The following POU6F2 variants were observed in gnomAD, a reference collection of about 807,000 sequenced individuals.
POU6F2 encodes the protein POU class 6 homeobox 2.
POU6F2 carries 31 observed loss-of-function variants against 71.3 expected under a neutral mutation model. The observed-to-expected ratio is 0.43, with a 90% CI of 0.33 to 0.59. POU6F2 has a LOEUF of 0.59. Among genes scored for constraint, POU6F2 ranks in the 20% least tolerant of loss-of-function variants. The pLI, the probability that POU6F2 is intolerant of heterozygous loss-of-function variation, is 0.04. For missense variants in POU6F2, 783 were observed against 856.8 expected (o/e 0.91, Z 1.07); for synonymous variants, 347 against 355.7 (o/e 0.98, Z 0.27).
At chr7:39,259,960 CACACACACACAT>C (rs1001748168) in intron 4 of POU6F2, among the ~76,000 whole-genome samples, 2 of 147,462 alleles carry the variant, frequency 1.4e-5, no homozygotes, top group African/African-American at 5.4e-5. Flanking sequence ...GTACATGCAC[CACACACACACAT>C]ACACACACAC....
At chr7:39,064,325 A>G (rs565933159) in intron 1 of POU6F2, among the ~76,000 whole-genome samples, 1 of 152,128 alleles carries the variant, frequency 6.6e-6, no homozygotes, top group African/African-American at 2.4e-5. Flanking sequence ...GGGTGCTTCA[A>G]TGATATCATT....
At chr7:39,082,016 A>G (rs1376789918) in intron 1 of POU6F2, among the ~76,000 whole-genome samples, 1 of 152,226 alleles carries the variant, frequency 6.6e-6, no homozygotes, top group Non-Finnish European at 1.5e-5. Flanking sequence ...AATACCTTGC[A>G]TAGCTGGGGT....
At chr7:39,293,570 T>A (rs762946257) in intron 4 of POU6F2, among the ~76,000 whole-genome samples, 29 of 152,132 alleles carry the variant, frequency 1.9e-4, no homozygotes, top group Non-Finnish European at 2.8e-4. Context: ...TCAGACCACG[T>A]GATAGCCGAG....
intron 1 of POU6F2, among the ~76,000 whole-genome samples, chr7:39,020,116 A>T (rs544403130): frequency 6.6e-6 from 1 of 152,110 alleles, no homozygotes; most frequent in Non-Finnish European, 1.5e-5. Context: ...AGACCCCCCA[A>T]AAAAGCTAGC....
At chr7:39,342,849 G>C (rs1785947042) in intron 5 of POU6F2, among the ~76,000 whole-genome samples, 2 of 152,164 alleles carry the variant, frequency 1.3e-5, no homozygotes, top group Non-Finnish European at 2.9e-5. Flanking sequence ...ACTGAATTCT[G>C]TGAAAAGGAT....
At position 39,466,614 on chromosome 7, in the gene POU6F2, TG is replaced by T. The variant is rs1334009550; in HGVS notation, c.*1932del. ...CTTCCCCTAATACACTCCCTCTCCC[TG>T]GGGAGTTTGAGTTTCTTCTGTTGGC... On this transcript the variant is annotated 3_prime_UTR_variant, in exon 10 of 10. Transcript: ENST00000518318. 6.6e-6 allele frequency: 1 copy of T among 152,248 alleles called. No individual in the cohort carries two copies. Among genetic ancestry groups the T allele is most frequent in the Admixed American group, 6.5e-5 (1 of 15,290 alleles). The allele number at this position is 152,248 out of a possible 1,614,324, so 9.4% of individuals were successfully genotyped here.
intron 1 of POU6F2, among the ~76,000 whole-genome samples, chr7:39,048,235 G>T (rs1005484150): frequency 6.6e-6 from 1 of 151,732 alleles, no homozygotes; most frequent in Non-Finnish European, 1.5e-5. Flanking sequence ...AGTTTCAGGG[G>T]TATGTGTGCA....
chr7:39,188,369 G>A (rs1158894778), intron 2 of POU6F2, among the ~76,000 whole-genome samples: 1 of 152,156 alleles, frequency 6.6e-6, no homozygotes, highest in African/African-American at 2.4e-5. Context: ...CTGGAGTGCA[G>A]TGGCATAATC....
intron 4 of POU6F2, among the ~76,000 whole-genome samples, chr7:39,221,869 G>A (rs1194713375): frequency 1.3e-5 from 2 of 152,028 alleles, no homozygotes; most frequent in East Asian, 3.9e-4. Flanking sequence ...ATTCATTATA[G>A]TTGTCTTTAT....
chr7:39,249,752 C>T lies in POU6F2; in HGVS notation c.598+42132C>T, dbSNP rs1346430514. ...TAAGGTGAGCAGACTATTATAAGAG[C>T]TCTAATACACTCGATTCCTTGAACA... On this transcript the variant is annotated intron_variant, in intron 4 of 9. Transcript: ENST00000518318. Among the ~76,000 whole-genome samples the T allele has an allele frequency of 3.9e-5, 6 of 152,162 alleles. No individual in the cohort carries two copies. The East Asian group carries it at 1.2e-3, about 29-fold the overall frequency.
intron 2 of POU6F2, among the ~76,000 whole-genome samples, chr7:39,133,508 T>G (rs897350440): frequency 2.0e-5 from 3 of 152,256 alleles, no homozygotes; most frequent in Non-Finnish European, 2.9e-5. Context: ...CGTTGGTGAA[T>G]GTACTCAAGA....
At chr7:39,340,429 C>T (rs1463897946) in intron 5 of POU6F2, among the ~76,000 whole-genome samples, 1 of 152,152 alleles carries the variant, frequency 6.6e-6, no homozygotes, top group Non-Finnish European at 1.5e-5. Flanking sequence ...GGTTATTTCT[C>T]TATATTATGA....
chr7:39,263,249 A>T (rs1289240543), intron 4 of POU6F2, among the ~76,000 whole-genome samples: 1 of 152,374 alleles, frequency 6.6e-6, no homozygotes, highest in Middle Eastern at 3.4e-3. Context: ...AAAATAAAAT[A>T]TGTGTTTTGA....
intron 4 of POU6F2, among the ~76,000 whole-genome samples, chr7:39,220,676 C>A (rs1237586436): frequency 6.6e-6 from 1 of 151,992 alleles, no homozygotes; most frequent in African/African-American, 2.4e-5. Context: ...AGCCCTTCTG[C>A]TTGCTGGCTA....
intron 2 of POU6F2, among the ~76,000 whole-genome samples, chr7:39,163,977 A>G (rs186616873): frequency 6.6e-6 from 1 of 152,176 alleles, no homozygotes; most frequent in Non-Finnish European, 1.5e-5. Flanking sequence ...TTCAAAGGAT[A>G]CAAAATTCCA....
chr7:39,276,271 C>T (rs1428460673), intron 4 of POU6F2, among the ~76,000 whole-genome samples: 2 of 152,122 alleles, frequency 1.3e-5, no homozygotes, highest in Non-Finnish European at 2.9e-5. Context: ...CAAAAGAAGA[C>T]ATTTATGCAG....
chr7:39,266,504 G>A (rs1784244747), intron 4 of POU6F2, among the ~76,000 whole-genome samples: 1 of 152,038 alleles, frequency 6.6e-6, no homozygotes, highest in Non-Finnish European at 1.5e-5. Flanking sequence ...GCATCTCCCT[G>A]TGTGGTGATT....
At chr7:39,155,468 G>C (rs1176618009) in intron 2 of POU6F2, among the ~76,000 whole-genome samples, 1 of 152,164 alleles carries the variant, frequency 6.6e-6, no homozygotes, top group Non-Finnish European at 1.5e-5. Context: ...GAGCATAAGA[G>C]AATGATTTGT....
chr7:39,011,537 T>G (rs1310943956), intron 1 of POU6F2, among the ~76,000 whole-genome samples: 6 of 143,100 alleles, frequency 4.2e-5, no homozygotes, highest in East Asian at 2.1e-4. Flanking sequence ...AAAGTTAATA[T>G]TGTTATGTGT....
Sources: allele counts gnomAD v4.1 joint callset (sites outside exome capture counted in the v4.1 genomes callset), GRCh38; gene constraint gnomAD v4.1.1; transcripts MANE v1.5; gene names NCBI Gene and HGNC (gene_info 2026-07-23, HGNC 2026-07-21).